The following HES7 variants were observed in gnomAD, a reference collection of about 807,000 sequenced individuals.
HES7 encodes transcription factor HES-7.
A neutral mutation model predicts 18.0 loss-of-function variants in HES7; 8 were observed. The ratio of observed to expected loss-of-function variants is 0.45; its 90% CI spans 0.26 to 0.80. HES7 has a LOEUF of 0.80. HES7 is among the 30% of genes least tolerant of loss of function. HES7 has a pLI of 0.18. For missense variants in HES7, 356 were observed against 340.9 expected, an observed-to-expected ratio of 1.04 and a Z score of -0.35; for synonymous variants, 170 against 158.6, an observed-to-expected ratio of 1.07 and a Z score of -0.54.
Position 8,123,907 on chromosome 17 carries a change from T to C in HES7, c.42+136A>G. On this transcript the variant is annotated intron_variant, in intron 1 of 3. Transcript: ENST00000541682. This position sits in a 1 kb window ranked among gnomAD's most constrained non-coding sequence, Gnocchi z 5.9. ...CATATTTTGCAGCTTCCTCTCCAGC[T>C]TCTGGCTCCTGGAGTTCTGGAGCAC... 1 of 969,336 alleles carries C rather than the reference T, an allele frequency of 1.0e-6. No individual in the cohort carries two copies. The highest frequency in any genetic ancestry group is 1.6e-6 in the Non-Finnish European group (1 of 630,410). The allele number at this position is 969,336 out of a possible 1,614,324, so 60.0% of individuals were successfully genotyped here.
rs955697892 is a variant in HES7 at position 8,121,623 on chromosome 17, G to C, written c.641C>G (p.Ala214Gly). 6.9e-6 allele frequency: 9 copies of C among 1,311,100 alleles called. No homozygotes were observed. Among genetic ancestry groups the C allele is most frequent in the Non-Finnish European group, 8.7e-6 (9 of 1,037,342 alleles). The allele number at this position is 1,311,100 out of a possible 1,614,324, so 81.2% of individuals were successfully genotyped here. The part of the protein sequence containing the change: ...PPPPPHRQDG[A>G]PKAPLPPPPA... ...CGGCGGGGGCAGCGGGGCCTTGGGC[G>C]CCCCGTCTTGTCTGTGAGGCGGCGG... The change falls in exon 4 of 4, where the codon GCG becomes GGG. Residue 214 changes from alanine to glycine, a missense_variant. Physicochemically the swap from Ala to Gly is moderately conservative, Grantham distance 60. Coordinates refer to ENST00000541682, the MANE Select transcript of HES7 (RefSeq NM_001165967.2).
At position 8,120,967 on chromosome 17, in the gene HES7, G is replaced by C. The variant is rs150811754; in HGVS notation, c.*604C>G. 0.016 allele frequency: 2,449 copies of C among 152,840 alleles called. 27 individuals are homozygous for C. Among genetic ancestry groups the C allele is most frequent in the Non-Finnish European group, 0.025 (1,675 of 68,054 alleles). 9.5% of individuals were successfully genotyped at this position (152,840 alleles called of 1,614,324 possible). A position where few individuals can be genotyped will look rare whatever the true frequency, so the allele number is the denominator to read the frequency against. ...GATAGCGCATTGGACTTCTAGTGAC[G>C]AATAGAGCAATTCAAAGGTTGTGGG... On this transcript the variant is annotated 3_prime_UTR_variant, in exon 4 of 4. Transcript: ENST00000541682.
chr17:8,122,114 T>C lies in HES7; in HGVS notation c.227-77A>G, dbSNP rs2151853759. On this transcript the variant is annotated intron_variant, in intron 3 of 3. Coordinates refer to ENST00000541682, the MANE Select transcript of HES7 (RefSeq NM_001165967.2). This position sits in a 1 kb window ranked among gnomAD's most constrained non-coding sequence, Gnocchi z 6.9. ...TGAGGGAAGGGGCGGGGCGCAGAGA[T>C]ACCAAGGCCGGACAGGCGCACAGAG... The C allele has an allele frequency of 4.6e-6, 6 of 1,300,638 alleles. No homozygotes were observed. The East Asian group carries it at 1.6e-4, about 34-fold the overall frequency. The allele number at this position is 1,300,638 out of a possible 1,614,324, so 80.6% of individuals were successfully genotyped here.
At chr17:8,124,275 G>T (rs3027279), upstream of HES7, among the ~76,000 whole-genome samples, 61,662 of 152,010 alleles carry the variant, frequency 0.41, 16,121 homozygotes, top group Non-Finnish European at 0.59. Flanking sequence ...AAACTGGCCT[G>T]GGAGTGCGGG....
In HES7 at chr17:8,123,581, C is replaced by A; in HGVS notation, c.43-455G>T. 2 of 309,980 alleles carry A rather than the reference C, an allele frequency of 6.5e-6. 1 individual carries two copies. The highest frequency in any genetic ancestry group is 7.7e-5 in the South Asian group (2 of 26,132). The allele number at this position is 309,980 out of a possible 1,614,324, so 19.2% of individuals were successfully genotyped here. A position where few individuals can be genotyped will look rare whatever the true frequency, so the allele number is the denominator to read the frequency against. On this transcript the variant is annotated intron_variant, in intron 1 of 3. Coordinates refer to ENST00000541682, the MANE Select transcript of HES7 (RefSeq NM_001165967.2). This position sits in a 1 kb window ranked among gnomAD's most constrained non-coding sequence, Gnocchi z 5.9. Reference sequence around the variant, plus strand: ...TCAAAACCCTCCAGGCCTTCACCTTCTCCACGGTTCTCCTAAAATCTTCCA... The same window carrying A: ...TCAAAACCCTCCAGGCCTTCACCTTATCCACGGTTCTCCTAAAATCTTCCA...
upstream of HES7, among the ~76,000 whole-genome samples, chr17:8,125,817 C>T (rs1049856436): frequency 8.5e-5 from 13 of 152,172 alleles, no homozygotes; most frequent in African/African-American, 1.4e-4. Context: ...GGCCAATGCA[C>T]GAGTACAGTT....
In HES7 at chr17:8,120,868, C is replaced by T. The variant is rs1211324792; in HGVS notation, c.*703G>A. The T allele has an allele frequency of 6.5e-6, 1 of 152,716 alleles. No homozygotes were observed. The highest frequency in any genetic ancestry group is 2.4e-5 in the African/African-American group (1 of 41,460). 9.5% of individuals were successfully genotyped at this position (152,716 alleles called of 1,614,324 possible). A position where few individuals can be genotyped will look rare whatever the true frequency, so the allele number is the denominator to read the frequency against. On this transcript the variant is annotated 3_prime_UTR_variant, in exon 4 of 4. Coordinates refer to ENST00000541682, the MANE Select transcript of HES7 (RefSeq NM_001165967.2). ...AAGTCCCTTAGCCCCGCTCCCCAAC[C>T]CTGCCCCATTCCCACTCTAGTACCC...
At position 8,123,978 on chromosome 17, in the gene HES7, G is replaced by C. The variant is rs188931517; in HGVS notation, c.42+65C>G. Reference sequence around the variant, plus strand: ...GTCCCCAGCCTCTCTCCAGACCGACGGCGTCAGGGGCCCAGTCCCCTAGCC... The same window carrying C: ...GTCCCCAGCCTCTCTCCAGACCGACCGCGTCAGGGGCCCAGTCCCCTAGCC... On this transcript the variant is annotated intron_variant, in intron 1 of 3. Coordinates refer to ENST00000541682, the MANE Select transcript of HES7 (RefSeq NM_001165967.2). The surrounding 1 kb of genome is among the most constrained non-coding windows in gnomAD (Gnocchi z 5.9). 254 of 1,573,200 alleles carry C rather than the reference G, an allele frequency of 1.6e-4. No individual in the cohort carries two copies. The East Asian group carries it at 5.0e-3, about 31-fold the overall frequency.
chr17:8,126,051 G>T (rs1156773090), upstream of HES7, among the ~76,000 whole-genome samples: 2 of 142,206 alleles, frequency 1.4e-5, no homozygotes, highest in Non-Finnish European at 3.1e-5. Flanking sequence ...CCGCACCTCC[G>T]CAGGCGTGAC....
Position 8,123,257 on chromosome 17 carries a change from G to A in HES7, c.43-131C>T. The A allele has an allele frequency of 1.4e-6, 1 of 704,944 alleles. No homozygotes were observed. The highest frequency in any genetic ancestry group is 2.5e-6 in the Non-Finnish European group (1 of 395,724). 43.7% of individuals were successfully genotyped at this position (704,944 alleles called of 1,614,324 possible). On this transcript the variant is annotated intron_variant, in intron 1 of 3. Transcript: ENST00000541682. This position sits in a 1 kb window ranked among gnomAD's most constrained non-coding sequence, Gnocchi z 5.9. The stretch of plus-strand genomic sequence containing the variant: ...ACAAGACCCCAGATTGCCTAGGGCC[G>A]GCCCCATTCGATCCCTCTCCGCTCC...
chr17:8,121,845 G>T lies in HES7; in HGVS notation c.419C>A (p.Pro140Gln). ...CGGCGCTGGAGGCCTCGGATCTACC[G>T]GCTTGGGCCGGGGCGGTTTGGGGCG... is the stretch of plus-strand genomic sequence containing the variant. ...YLRPKPPRPK[P>Q]VDPRPPAPRP... Residue 140 changes from proline (P) to glutamine (Q), a missense_variant, in exon 4 of 4, where the codon CCG (proline) becomes CAG (glutamine). Coordinates refer to ENST00000541682, the MANE Select transcript of HES7 (RefSeq NM_001165967.2). The T allele has an allele frequency of 6.4e-7, 1 of 1,572,348 alleles. No homozygotes were observed. Among genetic ancestry groups the T allele is most frequent in the African/African-American group, 1.4e-5 (1 of 71,206 alleles).
rs1422356428 is a variant in HES7 at position 8,122,077 on chromosome 17, G to T, written c.227-40C>A. The T allele has an allele frequency of 1.4e-6, 2 of 1,459,562 alleles. No homozygotes were observed. The highest frequency in any genetic ancestry group is 2.6e-5 in the East Asian group (1 of 38,432). 90.4% of individuals were successfully genotyped at this position (1,459,562 alleles called of 1,614,324 possible). ...GGGAGCACAGGTGGGCAGGGCAGGG[G>T]CCCGGCAGGGGTGAGGGAAGGGGCG... On this transcript the variant is annotated intron_variant, in intron 3 of 3. Coordinates refer to ENST00000541682, the MANE Select transcript of HES7 (RefSeq NM_001165967.2). This position sits in a 1 kb window ranked among gnomAD's most constrained non-coding sequence, Gnocchi z 6.9.
chr17:8,121,582 G>C lies in HES7; in HGVS notation c.682C>G (p.Pro228Ala), dbSNP rs896956362. 1 of 1,311,280 alleles carries C rather than the reference G, an allele frequency of 7.6e-7. No individual in the cohort carries two copies. Among genetic ancestry groups the C allele is most frequent in the Non-Finnish European group, 9.6e-7 (1 of 1,037,326 alleles). 81.2% of individuals were successfully genotyped at this position (1,311,280 alleles called of 1,614,324 possible). The change falls in exon 4 of 4, where the codon CCT becomes GCT. Residue 228 changes from proline (P) to alanine (A), a missense_variant. Transcript: ENST00000541682. ...CCACCCCCCAAGGCTCAGGGCCAAG[G>C]TCTCCAGAAAGCGGGCGGCGGGGGC... is the stretch of plus-strand genomic sequence containing the variant. ...PLPPPPAFWR[P>A]WP
upstream of HES7, among the ~76,000 whole-genome samples, chr17:8,126,472 C>A (rs978256167): frequency 6.6e-6 from 1 of 152,184 alleles, no homozygotes; most frequent in South Asian, 2.1e-4. Flanking sequence ...CGGGACTCTG[C>A]GCTCCCACGC....
chr17:8,121,726 A>C lies in HES7; in HGVS notation c.538T>G (p.Trp180Gly). 1 of 1,411,596 alleles carries C rather than the reference A, an allele frequency of 7.1e-7. No individual in the cohort carries two copies. 87.4% of individuals were successfully genotyped at this position (1,411,596 alleles called of 1,614,324 possible). Reference protein sequence around the residue: ...HQGHPSPRCAWSPSLCSPRAG... With the variant: ...HQGHPSPRCAGSPSLCSPRAG... ...CGCGGGGAGCAGAGGGATGGGGACC[A>C]TGCGCAGCGCGGGCTAGGGTGGCCC... is the stretch of plus-strand genomic sequence containing the variant. The change falls in exon 4 of 4, where the codon TGG becomes GGG. Residue 180 changes from tryptophan to glycine, a missense_variant. Coordinates refer to ENST00000541682, the MANE Select transcript of HES7 (RefSeq NM_001165967.2).
upstream of HES7, among the ~76,000 whole-genome samples, chr17:8,125,211 C>T (rs1981547843): frequency 6.6e-6 from 1 of 152,152 alleles, no homozygotes; most frequent in South Asian, 2.1e-4. Flanking sequence ...GATAAAGACA[C>T]GGAAAGACAG....
rs1161330781 is a variant in HES7 at position 8,123,395 on chromosome 17, C to G, written c.43-269G>C. On this transcript the variant is annotated intron_variant, in intron 1 of 3. Coordinates refer to ENST00000541682, the MANE Select transcript of HES7 (RefSeq NM_001165967.2). The surrounding 1 kb of genome is among the most constrained non-coding windows in gnomAD (Gnocchi z 5.9). ...CTCTCTGTGTCTCTCCTCCTCTTTT[C>G]TCTCTACGTCTCCGTCTGGTGCAGT... 1 of 557,122 alleles carries G rather than the reference C, an allele frequency of 1.8e-6. No homozygotes were observed. Among genetic ancestry groups the G allele is most frequent in the Non-Finnish European group, 3.2e-6 (1 of 309,702 alleles). The allele number at this position is 557,122 out of a possible 1,614,324, so 34.5% of individuals were successfully genotyped here.
At position 8,123,071 on chromosome 17, in the gene HES7, T is replaced by C; in HGVS notation, c.98A>G (p.Glu33Gly). Residue 33 changes from glutamate (E) to glycine (G), a missense_variant, in exon 2 of 4, where the codon GAA becomes GGA. By Grantham distance (98) the Glu-to-Gly change is moderately conservative. Coordinates refer to ENST00000541682, the MANE Select transcript of HES7 (RefSeq NM_001165967.2). The surrounding 1 kb of genome is among the most constrained non-coding windows in gnomAD (Gnocchi z 5.9). ...RRRDRINRSL[E>G]ELRLLLLERT... ...CTCCAGCAGCAGCAGCCTCAGCTCTTCCAGGCTGCGGTTGATGCGGTCCCG... is the reference window on the plus strand; with the variant it reads ...CTCCAGCAGCAGCAGCCTCAGCTCTCCCAGGCTGCGGTTGATGCGGTCCCG... The C allele has an allele frequency of 6.2e-7, 1 of 1,606,430 alleles. No homozygotes were observed. The highest frequency in any genetic ancestry group is 8.5e-7 in the Non-Finnish European group (1 of 1,176,870).
At position 8,122,443 on chromosome 17, in the gene HES7, G is replaced by C. The variant is rs1981405751; in HGVS notation, c.139-13C>G. On this transcript the variant is annotated splice_polypyrimidine_tract_variant and intron_variant, in intron 2 of 3. Coordinates refer to ENST00000541682, the MANE Select transcript of HES7 (RefSeq NM_001165967.2). This position sits in a 1 kb window ranked among gnomAD's most constrained non-coding sequence, Gnocchi z 6.9. ...GGTTCCGGAGGTTCTACAGACGGGA[G>C]GGGAGGGCGCAGAGACAGAAAGGGG... 6.4e-7 allele frequency: 1 copy of C among 1,558,208 alleles called. No homozygotes were observed. The highest frequency in any genetic ancestry group is 1.2e-5 in the South Asian group (1 of 85,008).
Sources: allele counts gnomAD v4.1 joint callset (sites outside exome capture counted in the v4.1 genomes callset), GRCh38; gene constraint gnomAD v4.1.1; non-coding constraint Gnocchi (gnomAD v3.1); transcripts MANE v1.5; gene names NCBI Gene and HGNC (gene_info 2026-07-23, HGNC 2026-07-21).